USH2A: variants seen among roughly 807,000 people sequenced by gnomAD.
The protein encoded by USH2A is usherin.
A neutral mutation model predicts 538.9 loss-of-function variants in USH2A; 443 were observed. The ratio of observed to expected loss-of-function variants is 0.82; its 90% CI spans 0.76 to 0.89. The LOEUF (loss-of-function observed/expected upper bound fraction) is 0.89, where lower values mean the gene tolerates loss of function less well. USH2A is among the 40% of genes least tolerant of loss of function. USH2A has a pLI of 0.00. For synonymous variants in USH2A, 2,413 were observed against 2,273.5 expected (o/e 1.06, Z -1.75); for missense variants, 6,633 against 6,324.8 (o/e 1.05, Z -1.65).
intron 29 of USH2A, chr1:216,072,607 G>A (rs1571935464): frequency 2.2e-6 from 1 of 457,966 alleles, no homozygotes; most frequent in Non-Finnish European, 4.0e-6. Flanking sequence ...TTAGGTAGGT[G>A]GGACTATTAC....
At chr1:216,138,148 T>C (rs1203285025) in intron 21 of USH2A, among the ~76,000 whole-genome samples, 2 of 152,182 alleles carry the variant, frequency 1.3e-5, no homozygotes, top group African/African-American at 4.8e-5. Context: ...AATCTCATGT[T>C]GCTACAGATT....
Position 215,900,889 on chromosome 1 carries a change from C to T in USH2A, c.7317G>A (p.Leu2439=). 3 of 1,613,484 alleles carry T rather than the reference C, an allele frequency of 1.9e-6. No homozygotes were observed. The highest frequency in any genetic ancestry group is 1.3e-5 in the African/African-American group (1 of 74,968). ...GAGTGGCAGATGAAAGCCTGGGAGG[C>T]AGCACGCCATCTGGAGCTGTCGAAA... The part of the protein sequence containing the change: ...AMPPGAPDGV[L]PPRLSSATPT... The change falls in exon 39 of 72, where the codon CTG becomes CTA. Residue 2439 remains leucine (L), a synonymous_variant. Coordinates refer to ENST00000307340, the MANE Select transcript of USH2A (RefSeq NM_206933.4).
chr1:216,312,116 A>G (rs1558032927), intron 9 of USH2A, among the ~76,000 whole-genome samples: 1 of 151,828 alleles, frequency 6.6e-6, no homozygotes, highest in Non-Finnish European at 1.5e-5. Context: ...TGTTTGAGAA[A>G]GTATTTTTCC....
At chr1:215,720,266 C>G (rs1363975116) in intron 61 of USH2A, among the ~76,000 whole-genome samples, 1 of 152,188 alleles carries the variant, frequency 6.6e-6, no homozygotes, top group African/African-American at 2.4e-5. Flanking sequence ...TTTCTCCACA[C>G]TCCCCTTTCA....
At chr1:216,012,713 C>T (rs949054325) in intron 32 of USH2A, among the ~76,000 whole-genome samples, 8 of 152,252 alleles carry the variant, frequency 5.3e-5, no homozygotes, top group South Asian at 2.1e-4. Context: ...CAAGCTCAGC[C>T]GCCAACTTAA....
intron 23 of USH2A, among the ~76,000 whole-genome samples, chr1:216,088,223 T>C (rs1354138608): frequency 6.6e-6 from 1 of 152,068 alleles, no homozygotes; most frequent in Non-Finnish European, 1.5e-5. Context: ...AAATGTCACC[T>C]CATCAGAGAG....
intron 20 of USH2A, among the ~76,000 whole-genome samples, chr1:216,187,010 A>C (rs527520023): frequency 6.6e-6 from 1 of 152,064 alleles, no homozygotes; most frequent in South Asian, 2.1e-4. Flanking sequence ...GGAAGTCTTC[A>C]TAAATCTCTG....
At chr1:215,757,803 GA>G (rs1242152865) in intron 58 of USH2A, among the ~76,000 whole-genome samples, 1 of 152,112 alleles carries the variant, frequency 6.6e-6, no homozygotes, top group Non-Finnish European at 1.5e-5. Flanking sequence ...GCTTACAGAG[GA>G]AAAATGCAGC....
chr1:215,857,652 A>G (rs1376106172), intron 44 of USH2A, among the ~76,000 whole-genome samples: 1 of 152,232 alleles, frequency 6.6e-6, no homozygotes, highest in African/African-American at 2.4e-5. Flanking sequence ...CATTAGCACA[A>G]TCTGAGGGTG....
intron 14 of USH2A, among the ~76,000 whole-genome samples, chr1:216,231,345 C>T (rs2035687241): frequency 7.4e-6 from 1 of 135,090 alleles, no homozygotes; most frequent in South Asian, 2.3e-4. Flanking sequence ...TTTTCTTCTT[C>T]AGATATGTCT....
intron 13 of USH2A, among the ~76,000 whole-genome samples, chr1:216,240,013 CAAAAAAAAA>C (rs55691066): frequency 4.5e-5 from 5 of 112,282 alleles, no homozygotes; most frequent in African/African-American, 1.7e-4. Context: ...ATGAAATAAA[CAAAAAAAAA>C]AAAAAAAAAA....
intron 21 of USH2A, among the ~76,000 whole-genome samples, chr1:216,141,049 TG>T (rs2033592180): frequency 6.6e-6 from 1 of 152,140 alleles, no homozygotes; most frequent in African/African-American, 2.4e-5. Flanking sequence ...CTGGAAAAAA[TG>T]GGGGCAGGGC....
intron 21 of USH2A, among the ~76,000 whole-genome samples, chr1:216,164,470 T>C (rs1404793124): frequency 6.6e-6 from 1 of 152,110 alleles, no homozygotes; most frequent in East Asian, 1.9e-4. Context: ...TGAGGAGTAA[T>C]TGATCCATGA....
At chr1:215,909,578 G>A (rs923195961) in intron 38 of USH2A, among the ~76,000 whole-genome samples, 1 of 151,838 alleles carries the variant, frequency 6.6e-6, no homozygotes, top group African/African-American at 2.4e-5. Flanking sequence ...TGAACCTAAA[G>A]CTGCTCTTAA....
chr1:216,008,445 C>T (rs948352321), intron 32 of USH2A, among the ~76,000 whole-genome samples: 1 of 152,106 alleles, frequency 6.6e-6, no homozygotes, highest in East Asian at 1.9e-4. Context: ...CCCTATCTCC[C>T]TTCGCTGACT....
chr1:215,979,523 C>T (rs943661607), intron 35 of USH2A, among the ~76,000 whole-genome samples: 1 of 151,798 alleles, frequency 6.6e-6, no homozygotes, highest in Non-Finnish European at 1.5e-5. Context: ...GTAGGGAAGC[C>T]CATGCAGGTA....
At chr1:216,155,096 A>G (rs1490427688) in intron 21 of USH2A, among the ~76,000 whole-genome samples, 1 of 152,140 alleles carries the variant, frequency 6.6e-6, no homozygotes, top group African/African-American at 2.4e-5. Context: ...AGTTGACTCC[A>G]TCTTGCTTCT....
intron 21 of USH2A, among the ~76,000 whole-genome samples, chr1:216,146,917 A>T (rs904326655): frequency 8.5e-5 from 13 of 152,164 alleles, no homozygotes; most frequent in Non-Finnish European, 1.8e-4. Flanking sequence ...TTTCTTCTGC[A>T]ATGCCACTTG....
intron 21 of USH2A, among the ~76,000 whole-genome samples, chr1:216,162,720 A>C (rs2034083336): frequency 6.6e-6 from 1 of 151,970 alleles, no homozygotes; most frequent in Admixed American, 6.6e-5. Context: ...ACTTTTGGAG[A>C]GTCGAGTGAA....
Sources: allele counts gnomAD v4.1 joint callset (sites outside exome capture counted in the v4.1 genomes callset), GRCh38; gene constraint gnomAD v4.1.1; transcripts MANE v1.5; gene names NCBI Gene and HGNC (gene_info 2026-07-23, HGNC 2026-07-21).